Variants in STMN1 observed in about 807,000 individuals in gnomAD.
The protein encoded by STMN1 is stathmin 1, also known as stathmin.
Under a neutral mutation model 19.7 loss-of-function variants are expected in STMN1, and 3 were observed. The ratio of observed to expected loss-of-function variants is 0.15; its 90% CI spans 0.07 to 0.39. STMN1 has a LOEUF of 0.39. STMN1 is among the 10% of genes least tolerant of loss of function. STMN1 has a pLI of 1.00. For missense variants in STMN1, 99 were observed against 176.0 expected (o/e 0.56, Z 2.48); for synonymous variants, 59 against 58.9 (o/e 1.00, Z -0.01).
At chr1:25,898,639 T>G (rs1163437715), downstream of STMN1, among the ~76,000 whole-genome samples, 1 of 152,066 alleles carries the variant, frequency 6.6e-6, no homozygotes, top group Non-Finnish European at 1.5e-5. Context: ...AAGTACAAAA[T>G]CCTCAGGAAG....
intron 4 of STMN1, chr1:25,887,435 G>A (rs570567081): frequency 2.7e-4 from 102 of 380,390 alleles, no homozygotes; most frequent in South Asian, 2.4e-3. Context: ...ACAAAGTGGG[G>A]AATGGAGTAC....
intron 4 of STMN1, among the ~76,000 whole-genome samples, chr1:25,893,047 G>A (rs759941801): frequency 3.9e-5 from 6 of 152,112 alleles, no homozygotes; most frequent in Non-Finnish European, 8.8e-5. Context: ...ACACAATATT[G>A]TGAAAGCACT....
chr1:25,886,944 T>C (rs541163397), intron 4 of STMN1, among the ~76,000 whole-genome samples: 119 of 152,178 alleles, frequency 7.8e-4, no homozygotes, highest in Non-Finnish European at 1.5e-3. Flanking sequence ...AGCTCAGGTG[T>C]CAACTCCTCC....
chr1:25,900,849 T>G lies in STMN1; in HGVS notation c.*167A>C, dbSNP rs1041466501. On this transcript the variant is annotated 3_prime_UTR_variant, in exon 5 of 5. Coordinates refer to ENST00000455785, the MANE Select transcript of STMN1 (RefSeq NM_005563.4). ...AGTAAAACACTTTCAGTTTCTCCCC[T>G]TTAGCCCCTAAAACAACATCTTACA... The G allele has an allele frequency of 9.8e-6, 14 of 1,422,000 alleles. No homozygotes were observed. The highest frequency in any genetic ancestry group is 1.2e-5 in the Non-Finnish European group (13 of 1,086,742). The allele number at this position is 1,422,000 out of a possible 1,614,324, so 88.1% of individuals were successfully genotyped here. A position where few individuals can be genotyped will look rare whatever the true frequency, so the allele number is the denominator to read the frequency against.
chr1:25,886,022 C>T (rs1213561203), intron 4 of STMN1, among the ~76,000 whole-genome samples: 3 of 152,314 alleles, frequency 2.0e-5, no homozygotes, highest in South Asian at 2.1e-4. Flanking sequence ...TGACACCTGG[C>T]CCCCACCCCC....
Position 25,892,000 on chromosome 1 carries a change from T to C in STMN1, c.379-6131A>G, listed in dbSNP as rs550475152. On this transcript the variant is annotated intron_variant, in intron 4 of 4. Coordinates refer to the STMN1 transcript ENST00000426559. The stretch of plus-strand genomic sequence containing the variant: ...GTGCCCAAGCCCCCTGAAAAGCTCT[T>C]AGAGCCAGAACCGGAATACTATTCT... Among the ~76,000 whole-genome samples, 9 of 152,322 alleles carry C rather than the reference T, an allele frequency of 5.9e-5. No homozygotes were observed. The South Asian group carries it at 1.7e-3, about 28-fold the overall frequency.
At chr1:25,894,844 T>C (rs771511273) in intron 4 of STMN1, among the ~76,000 whole-genome samples, 1 of 152,164 alleles carries the variant, frequency 6.6e-6, no homozygotes, top group Non-Finnish European at 1.5e-5. Flanking sequence ...AGTGCTGGGA[T>C]TACAGGTGTG....
chr1:25,886,156 G>T (rs2048719467), intron 4 of STMN1, among the ~76,000 whole-genome samples: 1 of 152,174 alleles, frequency 6.6e-6, no homozygotes, highest in Non-Finnish European at 1.5e-5. Flanking sequence ...TGATGACCTA[G>T]GCTCTGGAAG....
At chr1:25,897,134 GA>G (rs748785614), downstream of STMN1, among the ~76,000 whole-genome samples, 7 of 152,010 alleles carry the variant, frequency 4.6e-5, no homozygotes, top group Admixed American at 1.3e-4. Context: ...CCAACGTGGT[GA>G]AACCCTGTCT....
chr1:25,906,248 G>A lies in STMN1; in HGVS notation c.-63+141C>T, dbSNP rs1215610628. ...CCACACACAAAGCGGAGCGACCCCC[G>A]CCCACCAACCCCTCCGAGGCCCGCA... is the stretch of plus-strand genomic sequence containing the variant. On this transcript the variant is annotated intron_variant, in intron 1 of 4. Transcript: ENST00000455785. The surrounding 1 kb of genome is among the most constrained non-coding windows in gnomAD (Gnocchi z 4.5). 1.0e-5 allele frequency: 1 copy of A among 98,726 alleles called. No individual in the cohort carries two copies. Among genetic ancestry groups the A allele is most frequent in the African/African-American group, 3.8e-5 (1 of 26,290 alleles). The allele number at this position is 98,726 out of a possible 1,614,324, so 6.1% of individuals were successfully genotyped here. A position where few individuals can be genotyped will look rare whatever the true frequency, so the allele number is the denominator to read the frequency against.
In STMN1 at chr1:25,900,140, T is replaced by G. The variant is rs1319229895; in HGVS notation, c.*876A>C. 5.4e-5 allele frequency: 53 copies of G among 985,742 alleles called. No individual in the cohort carries two copies. The highest frequency in any genetic ancestry group is 6.3e-5 in the Non-Finnish European group (52 of 829,936). 61.1% of individuals were successfully genotyped at this position (985,742 alleles called of 1,614,324 possible). On this transcript the variant is annotated 3_prime_UTR_variant, in exon 5 of 5. Transcript: ENST00000455785. Reference sequence around the variant, plus strand: ...GTTGCTACAGCAGTACATAAAGTTTTATTAATATTCTGATTCTCGTGTCAT... The same window carrying G: ...GTTGCTACAGCAGTACATAAAGTTTGATTAATATTCTGATTCTCGTGTCAT...
chr1:25,889,396 A>G (rs983002743), intron 4 of STMN1, among the ~76,000 whole-genome samples: 1 of 152,164 alleles, frequency 6.6e-6, no homozygotes. Flanking sequence ...AAGGTCTGCC[A>G]TGATGGCCAA....
chr1:25,900,466 G>A lies in STMN1; in HGVS notation c.*550C>T. 2.0e-6 allele frequency: 2 copies of A among 985,812 alleles called. No homozygotes were observed. Among genetic ancestry groups the A allele is most frequent in the Non-Finnish European group, 2.4e-6 (2 of 829,974 alleles). The allele number at this position is 985,812 out of a possible 1,614,324, so 61.1% of individuals were successfully genotyped here. On this transcript the variant is annotated 3_prime_UTR_variant, in exon 5 of 5. Coordinates refer to ENST00000455785, the MANE Select transcript of STMN1 (RefSeq NM_005563.4). ...GAACGTGCGGTCATTTGTGCGTTGG[G>A]TATTTCTACCAGCCCCAAAGGCCCC...
intron 4 of STMN1, among the ~76,000 whole-genome samples, chr1:25,889,388 G>T (rs971282760): frequency 6.6e-6 from 1 of 152,136 alleles, no homozygotes; most frequent in Non-Finnish European, 1.5e-5. Context: ...CAGCCAGCAA[G>T]GTCTGCCATG....
intron 4 of STMN1, 33 bp from the exon 5 acceptor site, chr1:25,901,120 A>C: frequency 7.4e-6 from 4 of 543,414 alleles, no homozygotes; most frequent in Non-Finnish European, 1.1e-5. Flanking sequence ...CATCAGTCAA[A>C]AAAAAAAAAA....
At chr1:25,896,705 A>C (rs1163228252), downstream of STMN1, among the ~76,000 whole-genome samples, 1 of 152,212 alleles carries the variant, frequency 6.6e-6, no homozygotes, top group Admixed American at 6.5e-5. Context: ...ATCTAAGTGC[A>C]TGTACGAAAC....
chr1:25,904,901 A>G, intron 1 of STMN1, 163 bp from the exon 2 acceptor site: 2 of 463,750 alleles, frequency 4.3e-6, no homozygotes, highest in Non-Finnish European at 7.7e-6. Context: ...TACTAAATAA[A>G]CATTGGGAAA....
chr1:25,895,267 T>C (rs2048809645), downstream of STMN1, among the ~76,000 whole-genome samples: 1 of 152,048 alleles, frequency 6.6e-6, no homozygotes, highest in Non-Finnish European at 1.5e-5. Context: ...CACGCCCGGC[T>C]AATCTTGTTT....
intron 4 of STMN1, chr1:25,887,499 A>G (rs2048733628): frequency 2.9e-6 from 1 of 348,114 alleles, no homozygotes; most frequent in Non-Finnish European, 5.6e-6. Flanking sequence ...TGCAAATAAG[A>G]GAAATACATA....
Sources: allele counts gnomAD v4.1 joint callset (sites outside exome capture counted in the v4.1 genomes callset), GRCh38; gene constraint gnomAD v4.1.1; non-coding constraint Gnocchi (gnomAD v3.1); transcripts MANE v1.5; gene names NCBI Gene and HGNC (gene_info 2026-07-23, HGNC 2026-07-21).